PLEKHA5: variants seen among roughly 807,000 people sequenced by gnomAD.
The protein encoded by PLEKHA5 is pleckstrin homology domain containing A5.
In PLEKHA5, 55 loss-of-function variants were observed where a neutral mutation model predicts 181.9. The ratio of observed to expected loss-of-function variants is 0.30; its 90% CI spans 0.24 to 0.38. The LOEUF (loss-of-function observed/expected upper bound fraction) is 0.38. Among genes scored for constraint, PLEKHA5 ranks in the 10% least tolerant of loss-of-function variants. PLEKHA5 has a pLI of 1.00. For missense variants in PLEKHA5, 1,432 were observed against 1,549.5 expected (o/e 0.92, Z 1.27); for synonymous variants, 535 against 529.4 (o/e 1.01, Z -0.15).
intron 8 of PLEKHA5, 130 bp from the exon 9 acceptor site, chr12:19,269,640 G>A (rs747628011): frequency 3.9e-6 from 2 of 515,848 alleles, no homozygotes; most frequent in East Asian, 3.1e-5. Context: ...CATATCTCAG[G>A]TAAAAGATAA....
chr12:19,215,189 T>A (rs571823086), intron 3 of PLEKHA5, among the ~76,000 whole-genome samples: 13 of 150,888 alleles, frequency 8.6e-5, no homozygotes, highest in African/African-American at 3.2e-4. Flanking sequence ...AAAAAAAAAA[T>A]TGCTCTAAAA....
intron 3 of PLEKHA5, among the ~76,000 whole-genome samples, chr12:19,134,945 A>G (rs2035163908): frequency 6.6e-6 from 1 of 152,112 alleles, no homozygotes. Context: ...TCAGATGAAG[A>G]AAGGTGGTTA....
At chr12:19,214,976 G>A (rs542841935) in intron 3 of PLEKHA5, among the ~76,000 whole-genome samples, 127 of 152,138 alleles carry the variant, frequency 8.3e-4, no homozygotes, top group African/African-American at 2.9e-3. Flanking sequence ...TCAGGAGTTC[G>A]AGGCCATCCT....
intron 12 of PLEKHA5, among the ~76,000 whole-genome samples, chr12:19,284,941 GTAA>G (rs756238278): frequency 1.1e-4 from 16 of 152,144 alleles, no homozygotes; most frequent in Non-Finnish European, 2.1e-4. Flanking sequence ...TCAAAAAATA[GTAA>G]TAATAAGTTA....
At chr12:19,208,781 G>A (rs2056285933) in intron 3 of PLEKHA5, among the ~76,000 whole-genome samples, 1 of 152,138 alleles carries the variant, frequency 6.6e-6, no homozygotes, top group African/African-American at 2.4e-5. Flanking sequence ...TGGGCTAGTT[G>A]CTTGATCCCA....
intron 3 of PLEKHA5, among the ~76,000 whole-genome samples, chr12:19,199,884 C>T (rs1353179771): frequency 6.6e-6 from 1 of 151,854 alleles, no homozygotes; most frequent in Non-Finnish European, 1.5e-5. Flanking sequence ...GTGAAATAAG[C>T]CAGGCACAGA....
At chr12:19,260,181 C>G (rs540381938) in intron 6 of PLEKHA5, among the ~76,000 whole-genome samples, 1 of 152,224 alleles carries the variant, frequency 6.6e-6, no homozygotes, top group East Asian at 1.9e-4. Flanking sequence ...TTATGAATTG[C>G]ATTTGTATAT....
chr12:19,289,178 T>G (rs371448849), intron 13 of PLEKHA5, among the ~76,000 whole-genome samples: 3 of 152,210 alleles, frequency 2.0e-5, no homozygotes, highest in African/African-American at 7.2e-5. Flanking sequence ...CATGGTTTAT[T>G]TAAATCTCAT....
At chr12:19,254,940 G>T (rs1235639158) in intron 4 of PLEKHA5, 105 bp from the exon 5 acceptor site, 2 of 933,372 alleles carry the variant, frequency 2.1e-6, no homozygotes, top group Non-Finnish European at 1.6e-6. Flanking sequence ...TAGGATCCAA[G>T]TACTGTGAAA....
chr12:19,351,440 C>T (rs556735024), intron 25 of PLEKHA5, among the ~76,000 whole-genome samples: 28 of 152,162 alleles, frequency 1.8e-4, no homozygotes, highest in African/African-American at 6.5e-4. Context: ...ACAAAAATAG[C>T]ATATAAATGA....
rs1462825631 is a variant in PLEKHA5, at chr12:19,253,078, TTTTTTTTTTTTTGG to T, written c.228-861_228-848del. 1.1e-3 allele frequency among the ~76,000 whole-genome samples: 137 copies of T among 125,286 alleles called. 2 individuals carry two copies. The highest frequency in any genetic ancestry group is 3.5e-3 in the African/African-American group (125 of 36,098). The allele number at this position is 125,286 out of a possible 152,430, so 82.2% of individuals were successfully genotyped here. ...AATCAACTTACCTTTTTTTTTTTTT[TTTTTTTTTTTTTGG>T]GAGACAGAGGCTTGCTCTGTTGCCC... On this transcript the variant is annotated intron_variant, in intron 3 of 31. Transcript: ENST00000429027.
rs755840547 is a variant in PLEKHA5 at position 19,322,645 on chromosome 12, G to A, written c.2426G>A (p.Arg809Gln). Residue 809 changes from arginine (R) to glutamine (Q), a missense_variant, in exon 20 of 32, where the codon CGA (arginine) becomes CAA (glutamine). Around this residue, in one of 2 missense-constraint regions of PLEKHA5, gnomAD observed 1,143 missense variants for 1,168.4 expected, o/e 0.98. Coordinates refer to ENST00000429027, the MANE Select transcript of PLEKHA5 (RefSeq NM_001256470.2). The part of the protein sequence containing the change: ...DLQNGLLSTC[R>Q]ELSRATAELE... ...CAAAATGGACTGCTTAGTACGTGTC[G>A]AGAACTTTCTCGAGCCACTGCCGTA... 5.0e-6 allele frequency: 8 copies of A among 1,612,664 alleles called. No individual in the cohort carries two copies. Among genetic ancestry groups the A allele is most frequent in the Non-Finnish European group, 6.8e-6 (8 of 1,179,426 alleles).
intron 3 of PLEKHA5, among the ~76,000 whole-genome samples, chr12:19,137,317 A>T (rs1362795126): frequency 6.6e-6 from 1 of 152,120 alleles, no homozygotes; most frequent in African/African-American, 2.4e-5. Context: ...GATTACCACC[A>T]CCCCTGGCCA....
Position 19,167,405 on chromosome 12 carries a change from A to ATTTTTT in PLEKHA5, c.227+34979_227+34984dup, listed in dbSNP as rs56086557. Among the ~76,000 whole-genome samples, 117 of 91,216 alleles carry ATTTTTT rather than the reference A, an allele frequency of 1.3e-3. 1 individual carries two copies. The highest frequency in any genetic ancestry group is 0.011 in the Middle Eastern group (1 of 92). 59.8% of individuals were successfully genotyped at this position (91,216 alleles called of 152,430 possible). On this transcript the variant is annotated intron_variant, in intron 3 of 31. Coordinates refer to ENST00000429027, the MANE Select transcript of PLEKHA5 (RefSeq NM_001256470.2). ...CACTCTGCAAGTCTTCTGAGGCTTA[A>ATTTTTT]TTTTTTTTTTTTTTTTTTTTTTTTT...
intron 3 of PLEKHA5, among the ~76,000 whole-genome samples, chr12:19,209,898 TTCC>T (rs1433094711): frequency 6.6e-6 from 1 of 152,150 alleles, no homozygotes; most frequent in Non-Finnish European, 1.5e-5. Flanking sequence ...CTTCACAGAG[TTCC>T]TCTCCACCAC....
At chr12:19,239,343 AT>A (rs1042099138) in intron 3 of PLEKHA5, among the ~76,000 whole-genome samples, 1 of 151,946 alleles carries the variant, frequency 6.6e-6, no homozygotes, top group African/African-American at 2.4e-5. Context: ...TGGCCATTGG[AT>A]TTCCCCCCAT....
chr12:19,195,059 A>G (rs1171335436), intron 3 of PLEKHA5, among the ~76,000 whole-genome samples: 1 of 152,284 alleles, frequency 6.6e-6, no homozygotes, highest in East Asian at 1.9e-4. Context: ...AATGTTCACA[A>G]TAATTCTGTA....
At chr12:19,228,272 C>G (rs1411797852) in intron 3 of PLEKHA5, among the ~76,000 whole-genome samples, 2 of 152,150 alleles carry the variant, frequency 1.3e-5, no homozygotes, top group African/African-American at 2.4e-5. Context: ...CCTTTCAGTC[C>G]TGCTCTTCAT....
At chr12:19,177,438 C>A (rs2047573842) in intron 3 of PLEKHA5, among the ~76,000 whole-genome samples, 1 of 152,064 alleles carries the variant, frequency 6.6e-6, no homozygotes, top group Admixed American at 6.5e-5. Flanking sequence ...GATGATATTT[C>A]ATTTGATAGA....
Sources: gnomAD v4.1 joint callset for allele counts (sites outside exome capture counted in the v4.1 genomes callset) on GRCh38, gnomAD v4.1.1 for gene constraint, gnomAD v4.1.1 regional missense constraint, MANE v1.5 for transcripts, NCBI Gene and HGNC (gene_info 2026-07-23, HGNC 2026-07-21) for gene names.